The following TAFA1 variants were observed in gnomAD, a reference collection of about 807,000 sequenced individuals.
The protein encoded by TAFA1 is TAFA chemokine like family member 1, also known as chemokine-like protein TAFA-1.
Under a neutral mutation model 18.5 loss-of-function variants are expected in TAFA1, and 4 were observed. That is an observed-to-expected ratio of 0.22 (90% CI 0.11 to 0.49). The LOEUF is 0.49. Among genes scored for constraint, TAFA1 ranks in the 20% least tolerant of loss-of-function variants. TAFA1 has a pLI of 0.98. For missense variants in TAFA1, 147 were observed against 169.0 expected, an observed-to-expected ratio of 0.87 and a Z score of 0.72; for synonymous variants, 56 against 55.2, an observed-to-expected ratio of 1.01 and a Z score of -0.06.
At chr3:68,534,899 G>A (rs574797038) in intron 3 of TAFA1, among the ~76,000 whole-genome samples, 1 of 151,962 alleles carries the variant, frequency 6.6e-6, no homozygotes, top group African/African-American at 2.4e-5. Flanking sequence ...AAAAAAAAAT[G>A]CAAAAAGCTG....
intron 2 of TAFA1, among the ~76,000 whole-genome samples, chr3:68,108,176 T>C (rs1360330984): frequency 6.6e-6 from 1 of 152,148 alleles, no homozygotes. Context: ...AAATGGTATA[T>C]AATAGCTTAT....
chr3:68,491,732 A>G (rs539640503), intron 3 of TAFA1, among the ~76,000 whole-genome samples: 35 of 152,238 alleles, frequency 2.3e-4, no homozygotes, highest in African/African-American at 8.2e-4. Flanking sequence ...GGATCCTGAA[A>G]CCAAATTGTC....
intron 2 of TAFA1, among the ~76,000 whole-genome samples, chr3:68,160,355 C>T (rs62248261): frequency 0.098 from 14,952 of 152,206 alleles, 953 homozygotes; most frequent in Non-Finnish European, 0.13. Context: ...AAATGATGGA[C>T]GTGGCTGTGT....
intron 3 of TAFA1, among the ~76,000 whole-genome samples, chr3:68,499,095 C>A (rs759042259): frequency 6.6e-6 from 1 of 151,986 alleles, no homozygotes; most frequent in African/African-American, 2.4e-5. Flanking sequence ...CAAAGAGATA[C>A]GATTTTTCCT....
chr3:68,286,991 T>C (rs866509496), intron 2 of TAFA1, among the ~76,000 whole-genome samples: 16 of 152,250 alleles, frequency 1.1e-4, no homozygotes, highest in Admixed American at 3.9e-4. Context: ...AACACAGCAG[T>C]TGTGGGGCCC....
intron 4 of TAFA1, among the ~76,000 whole-genome samples, chr3:68,541,262 C>T (rs1168157951): frequency 6.6e-6 from 1 of 152,148 alleles, no homozygotes; most frequent in African/African-American, 2.4e-5. Context: ...GTCCTCCCTC[C>T]TCCCTCCTTC....
intron 2 of TAFA1, among the ~76,000 whole-genome samples, chr3:68,270,619 G>GTCTAC (rs930419980): frequency 2.0e-5 from 3 of 152,114 alleles, no homozygotes; most frequent in African/African-American, 7.2e-5. Context: ...TATAACCTGG[G>GTCTAC]TCTACCAAAA....
At chr3:68,152,927 A>G (rs2065824404) in intron 2 of TAFA1, among the ~76,000 whole-genome samples, 2 of 152,084 alleles carry the variant, frequency 1.3e-5, no homozygotes, top group African/African-American at 4.8e-5. Context: ...CAAAGTCCTG[A>G]AACTAGAGAG....
At chr3:68,531,209 A>G (rs1446826849) in intron 3 of TAFA1, among the ~76,000 whole-genome samples, 2 of 152,158 alleles carry the variant, frequency 1.3e-5, no homozygotes, top group African/African-American at 2.4e-5. Context: ...GGTTGTTAAC[A>G]GCAGCGTATC....
intron 3 of TAFA1, among the ~76,000 whole-genome samples, chr3:68,441,305 T>C (rs1575870018): frequency 6.6e-6 from 1 of 152,160 alleles, no homozygotes; most frequent in Non-Finnish European, 1.5e-5. Flanking sequence ...GCAGATCCAA[T>C]GGTGCTTGAG....
At chr3:68,471,088 G>T (rs1432847195) in intron 3 of TAFA1, among the ~76,000 whole-genome samples, 3 of 152,208 alleles carry the variant, frequency 2.0e-5, no homozygotes, top group Non-Finnish European at 4.4e-5. Context: ...GCTTCAGAGG[G>T]TGCAAGTCCA....
intron 2 of TAFA1, among the ~76,000 whole-genome samples, chr3:68,332,609 G>A (rs1479881369): frequency 2.0e-5 from 3 of 152,158 alleles, no homozygotes; most frequent in African/African-American, 7.2e-5. Flanking sequence ...GACCTGAATA[G>A]ACATTGTCCT....
At chr3:68,485,416 G>A (rs546506267) in intron 3 of TAFA1, among the ~76,000 whole-genome samples, 14 of 152,186 alleles carry the variant, frequency 9.2e-5, no homozygotes, top group African/African-American at 3.4e-4. Flanking sequence ...TAGAGAATCA[G>A]GAAAAGTCCA....
chr3:68,257,538 T>G (rs1182357989), intron 2 of TAFA1, among the ~76,000 whole-genome samples: 1 of 152,096 alleles, frequency 6.6e-6, no homozygotes, highest in Non-Finnish European at 1.5e-5. Flanking sequence ...AACGAACACT[T>G]AGTATGTGAC....
intron 2 of TAFA1, among the ~76,000 whole-genome samples, chr3:68,310,871 C>A (rs2068503521): frequency 1.3e-5 from 2 of 151,716 alleles, no homozygotes; most frequent in South Asian, 2.1e-4. Context: ...TTTTTTAGTG[C>A]TGTCAAGTGT....
chr3:68,459,753 A>G (rs755650743), intron 3 of TAFA1, among the ~76,000 whole-genome samples: 10 of 152,220 alleles, frequency 6.6e-5, no homozygotes, highest in Non-Finnish European at 1.2e-4. Context: ...TTTCACTTTA[A>G]GATATCCCAG....
chr3:68,205,193 T>C (rs921812835), intron 2 of TAFA1, among the ~76,000 whole-genome samples: 1 of 151,888 alleles, frequency 6.6e-6, no homozygotes, highest in African/African-American at 2.4e-5. Flanking sequence ...CAGAGATGAT[T>C]TAAATTCATT....
intron 2 of TAFA1, among the ~76,000 whole-genome samples, chr3:68,057,188 C>T (rs1352239977): frequency 2.6e-5 from 4 of 152,172 alleles, no homozygotes; most frequent in Admixed American, 2.6e-4. Flanking sequence ...AATAGAAACT[C>T]ATAGTTTGTA....
the TAFA1 span, among the ~76,000 whole-genome samples, chr3:67,994,883 A>C: frequency 6.6e-6 from 1 of 152,150 alleles, no homozygotes; most frequent in Non-Finnish European, 1.5e-5. Context: ...ACCGTGAACT[A>C]TAGGAAAGAC....
Sources: allele counts gnomAD v4.1 joint callset (sites outside exome capture counted in the v4.1 genomes callset), GRCh38; gene constraint gnomAD v4.1.1; transcripts MANE v1.5; gene names NCBI Gene and HGNC (gene_info 2026-07-23, HGNC 2026-07-21).